The following PTPRD variants were observed in gnomAD, a reference collection of about 807,000 sequenced individuals.
PTPRD encodes the protein protein tyrosine phosphatase receptor type D.
Under a neutral mutation model 214.5 loss-of-function variants are expected in PTPRD, and 34 were observed. That is an observed-to-expected ratio of 0.16 (90% CI 0.12 to 0.21). PTPRD has a LOEUF of 0.21. Among genes scored for constraint, PTPRD ranks in the 10% least tolerant of loss-of-function variants. The probability of loss-of-function intolerance (pLI) is 1.00; values close to 1 mark genes in which losing one functional copy is unlikely to be tolerated. For synonymous variants in PTPRD, 1,128 were observed against 845.7 expected (o/e 1.33, Z -5.79); for missense variants, 2,545 against 2,398.7 (o/e 1.06, Z -1.27).
At chr9:9,522,976 T>C (rs1167379344) in intron 8 of PTPRD, among the ~76,000 whole-genome samples, 1 of 152,140 alleles carries the variant, frequency 6.6e-6, no homozygotes, top group Non-Finnish European at 1.5e-5. Context: ...CATCTATCTA[T>C]GGAGGAGGCC....
chr9:10,455,700 T>C (rs868710327), intron 2 of PTPRD, among the ~76,000 whole-genome samples: 1 of 151,822 alleles, frequency 6.6e-6, no homozygotes, highest in Non-Finnish European at 1.5e-5. Context: ...CAATACAATA[T>C]GTTCTCCAAA....
intron 2 of PTPRD, among the ~76,000 whole-genome samples, chr9:10,532,841 C>G (rs1424091403): frequency 2.0e-5 from 3 of 151,706 alleles, no homozygotes; most frequent in Middle Eastern, 3.2e-3. Flanking sequence ...ATGTATTTAC[C>G]TGATCCCTCA....
chr9:8,431,975 G>C (rs1405558527), intron 35 of PTPRD, among the ~76,000 whole-genome samples: 1 of 152,136 alleles, frequency 6.6e-6, no homozygotes, highest in African/African-American at 2.4e-5. Context: ...TTTTTGGTTG[G>C]TACGCTATTA....
intron 8 of PTPRD, among the ~76,000 whole-genome samples, chr9:9,539,273 T>G (rs745924532): frequency 1.3e-5 from 2 of 151,762 alleles, no homozygotes; most frequent in Non-Finnish European, 2.9e-5. Context: ...TAAGTGGGAA[T>G]AAACTTAGAA....
intron 7 of PTPRD, among the ~76,000 whole-genome samples, chr9:9,646,540 A>T (rs892589112): frequency 2.0e-5 from 3 of 152,064 alleles, no homozygotes; most frequent in Non-Finnish European, 2.9e-5. Context: ...AGGTATTATT[A>T]TCTGTTTATA....
chr9:8,723,316 T>C (rs1304816281), intron 12 of PTPRD, among the ~76,000 whole-genome samples: 1 of 152,174 alleles, frequency 6.6e-6, no homozygotes, highest in Non-Finnish European at 1.5e-5. Flanking sequence ...ACACCTTCCT[T>C]GACATATGAC....
At chr9:8,938,328 G>C (rs985109606) in intron 11 of PTPRD, among the ~76,000 whole-genome samples, 1 of 152,030 alleles carries the variant, frequency 6.6e-6, no homozygotes, top group Non-Finnish European at 1.5e-5. Flanking sequence ...GAGAACACAA[G>C]ATGACAGAAA....
At chr9:9,444,893 T>C (rs893585591) in intron 8 of PTPRD, among the ~76,000 whole-genome samples, 2 of 152,194 alleles carry the variant, frequency 1.3e-5, no homozygotes, top group Non-Finnish European at 2.9e-5. Context: ...TAAATGTAAA[T>C]TGACCCTACT....
At chr9:9,178,135 C>G (rs549600748) in intron 10 of PTPRD, among the ~76,000 whole-genome samples, 8 of 151,908 alleles carry the variant, frequency 5.3e-5, no homozygotes, top group African/African-American at 1.7e-4. Context: ...TACAGCTACT[C>G]AATAATGAAA....
At chr9:8,488,341 T>C (rs146220280) in intron 27 of PTPRD, among the ~76,000 whole-genome samples, 8 of 152,258 alleles carry the variant, frequency 5.3e-5, no homozygotes, top group Admixed American at 1.3e-4. Flanking sequence ...CATGCTGATA[T>C]AACTCAGCTA....
chr9:10,211,995 G>A (rs1032830686), intron 3 of PTPRD, among the ~76,000 whole-genome samples: 1 of 152,076 alleles, frequency 6.6e-6, no homozygotes, highest in Non-Finnish European at 1.5e-5. Context: ...TTGTCCATAC[G>A]ATTGAATGTT....
intron 3 of PTPRD, among the ~76,000 whole-genome samples, chr9:10,289,479 A>G (rs964364493): frequency 2.0e-5 from 3 of 152,114 alleles, no homozygotes; most frequent in Non-Finnish European, 2.9e-5. Context: ...AGGTCCCCCA[A>G]ACACCTACAA....
At chr9:9,130,509 T>A (rs2099840977) in intron 10 of PTPRD, among the ~76,000 whole-genome samples, 1 of 152,158 alleles carries the variant, frequency 6.6e-6, no homozygotes, top group Non-Finnish European at 1.5e-5. Context: ...GACAAAGTGT[T>A]ACAGTAAATT....
At chr9:10,523,579 T>C (rs1213690706) in intron 2 of PTPRD, among the ~76,000 whole-genome samples, 1 of 67,474 alleles carries the variant, frequency 1.5e-5, no homozygotes, top group East Asian at 4.8e-4. Context: ...ATACCCCCAA[T>C]ATTTTTCAAG....
intron 10 of PTPRD, among the ~76,000 whole-genome samples, chr9:9,178,225 T>C (rs914671361): frequency 2.0e-5 from 3 of 152,004 alleles, no homozygotes; most frequent in Non-Finnish European, 4.4e-5. Context: ...ACAAAGAGAT[T>C]GAACTGTGAC....
chr9:9,161,023 G>C (rs1321213827), intron 10 of PTPRD, among the ~76,000 whole-genome samples: 1 of 152,090 alleles, frequency 6.6e-6, no homozygotes, highest in Non-Finnish European at 1.5e-5. Context: ...ATGATTACCA[G>C]AGCCTGGGAT....
intron 3 of PTPRD, among the ~76,000 whole-genome samples, chr9:10,324,015 G>A (rs2154429839): frequency 6.6e-6 from 1 of 152,166 alleles, no homozygotes; most frequent in South Asian, 2.1e-4. Flanking sequence ...ATTGAATTAA[G>A]TTAGCAGAAC....
At chr9:8,874,341 T>A (rs762732759) in intron 11 of PTPRD, among the ~76,000 whole-genome samples, 5 of 148,634 alleles carry the variant, frequency 3.4e-5, no homozygotes, top group Non-Finnish European at 7.5e-5. Flanking sequence ...TCATCAAGTG[T>A]GACTACAGTT....
At chr9:9,511,530 A>T (rs1167467367) in intron 8 of PTPRD, among the ~76,000 whole-genome samples, 1 of 151,790 alleles carries the variant, frequency 6.6e-6, no homozygotes, top group Non-Finnish European at 1.5e-5. Flanking sequence ...TCATTCTTTG[A>T]AGATCAAGCA....
Sources: allele counts gnomAD v4.1 joint callset (sites outside exome capture counted in the v4.1 genomes callset), GRCh38; gene constraint gnomAD v4.1.1; transcripts MANE v1.5; gene names NCBI Gene and HGNC (gene_info 2026-07-23, HGNC 2026-07-21).